PPP3CA: variants seen among roughly 807,000 people sequenced by gnomAD.
PPP3CA encodes the protein CAM-PRP catalytic subunit.
A neutral mutation model predicts 66.5 loss-of-function variants in PPP3CA; 14 were observed. The ratio of observed to expected loss-of-function variants is 0.21; its 90% CI spans 0.14 to 0.33. The LOEUF is 0.33. PPP3CA is among the 10% of genes least tolerant of loss of function. The pLI is 1.00. For synonymous variants in PPP3CA, 232 were observed against 226.2 expected (o/e 1.03, Z -0.23); for missense variants, 317 against 639.5 (o/e 0.50, Z 5.44).
intron 2 of PPP3CA, among the ~76,000 whole-genome samples, chr4:101,170,524 A>G (rs1560638521): frequency 6.6e-6 from 1 of 152,262 alleles, no homozygotes; most frequent in Admixed American, 6.5e-5. Flanking sequence ...GAAAGGAGTT[A>G]AGGGCTGGGA....
chr4:101,303,626 T>C (rs1421722744), intron 1 of PPP3CA, among the ~76,000 whole-genome samples: 2 of 152,230 alleles, frequency 1.3e-5, no homozygotes, highest in Non-Finnish European at 2.9e-5. Flanking sequence ...AATTAACTTA[T>C]ATTCACAATG....
At chr4:101,124,441 T>C (rs1722130890) in intron 2 of PPP3CA, among the ~76,000 whole-genome samples, 1 of 151,842 alleles carries the variant, frequency 6.6e-6, no homozygotes, top group Non-Finnish European at 1.5e-5. Flanking sequence ...CTGGCCAATA[T>C]GGTGAAACTC....
rs1168578364 is a variant in PPP3CA, at chr4:101,124,741, AAG to A, written c.260-15665_260-15664del. 2.0e-4 allele frequency among the ~76,000 whole-genome samples: 19 copies of A among 93,254 alleles called. 1 individual carries two copies. The highest frequency in any genetic ancestry group is 9.7e-4 in the African/African-American group (19 of 19,510). The allele number at this position is 93,254 out of a possible 152,430, so 61.2% of individuals were successfully genotyped here. A position where few individuals can be genotyped will look rare whatever the true frequency, so the allele number is the denominator to read the frequency against. Reference sequence around the variant, plus strand: ...AGAAAGAAAGAGAAAGAAAGAAAGAAAGAAAGAAAGAAAGAAAGAAAGAAAGA... The same window carrying A: ...AGAAAGAAAGAGAAAGAAAGAAAGAAAAAGAAAGAAAGAAAGAAAGAAAGA... On this transcript the variant is annotated intron_variant, in intron 2 of 13. Transcript: ENST00000394854.
intron 1 of PPP3CA, among the ~76,000 whole-genome samples, chr4:101,249,921 T>A (rs1195772333): frequency 3.3e-5 from 5 of 152,296 alleles, no homozygotes; most frequent in African/African-American, 9.6e-5. Flanking sequence ...TTCTAGTGAA[T>A]TTTTCCCAAA....
chr4:101,077,221 A>T (rs914621811), intron 8 of PPP3CA, among the ~76,000 whole-genome samples: 1 of 152,206 alleles, frequency 6.6e-6, no homozygotes, highest in Middle Eastern at 3.2e-3. Context: ...TCTGATCACA[A>T]CTATTATTGG....
chr4:101,063,447 T>G lies in PPP3CA; in HGVS notation c.956-90A>C, dbSNP rs546390897. On this transcript the variant is annotated intron_variant, in intron 8 of 13. Coordinates refer to ENST00000394854, the MANE Select transcript of PPP3CA (RefSeq NM_000944.5). ...AGCTCATCAAGAAAATTCAACCATT[T>G]GACTGAAGTTCCAAAACATCCAGGC... 3.5e-5 allele frequency: 50 copies of G among 1,439,674 alleles called. No homozygotes were observed. The Admixed American group carries it at 8.8e-4, about 25-fold the overall frequency. 89.2% of individuals were successfully genotyped at this position (1,439,674 alleles called of 1,614,324 possible). A position where few individuals can be genotyped will look rare whatever the true frequency, so the allele number is the denominator to read the frequency against.
At chr4:101,255,003 T>C (rs1158971875) in intron 1 of PPP3CA, among the ~76,000 whole-genome samples, 2 of 70,888 alleles carry the variant, frequency 2.8e-5, no homozygotes, top group African/African-American at 1.2e-4. Flanking sequence ...ATCATGACAA[T>C]ACAATAAACA....
At chr4:101,050,382 A>C (rs761005854) in intron 10 of PPP3CA, among the ~76,000 whole-genome samples, 1 of 152,136 alleles carries the variant, frequency 6.6e-6, no homozygotes, top group Non-Finnish European at 1.5e-5. Flanking sequence ...TGAAAGCCAG[A>C]ATAGAACAGA....
intron 1 of PPP3CA, among the ~76,000 whole-genome samples, chr4:101,205,352 G>C (rs1725097805): frequency 1.3e-5 from 2 of 151,882 alleles, no homozygotes; most frequent in Middle Eastern, 6.8e-3. Flanking sequence ...TTAAGCTCTG[G>C]GGTACATGAA....
At chr4:101,105,242 C>G (rs912054096) in intron 3 of PPP3CA, among the ~76,000 whole-genome samples, 1 of 150,838 alleles carries the variant, frequency 6.6e-6, no homozygotes, top group African/African-American at 2.4e-5. Flanking sequence ...TCTCGGCTCA[C>G]TGCAACCTCC....
intron 2 of PPP3CA, among the ~76,000 whole-genome samples, chr4:101,136,873 A>G (rs959412671): frequency 6.6e-6 from 1 of 152,138 alleles, no homozygotes; most frequent in Non-Finnish European, 1.5e-5. Context: ...ACTTGAAGAC[A>G]TTAAATAGCA....
chr4:101,293,165 CA>C (rs1480126234), intron 1 of PPP3CA, among the ~76,000 whole-genome samples: 1 of 152,210 alleles, frequency 6.6e-6, no homozygotes, highest in Non-Finnish European at 1.5e-5. Flanking sequence ...CTGAAGTTCA[CA>C]GCAGGAAAGG....
chr4:101,210,448 A>G (rs769436157), intron 1 of PPP3CA, among the ~76,000 whole-genome samples: 11 of 152,204 alleles, frequency 7.2e-5, no homozygotes, highest in Non-Finnish European at 1.5e-4. Context: ...TGAAGATTAA[A>G]CAAACTAATA....
rs541468350 is a variant in PPP3CA at position 101,081,506 on chromosome 4, C to T, written c.861-880G>A. Among the ~76,000 whole-genome samples, 33 of 152,262 alleles carry T rather than the reference C, an allele frequency of 2.2e-4. No individual in the cohort carries two copies. The East Asian group carries it at 5.8e-3, about 27-fold the overall frequency. On this transcript the variant is annotated intron_variant, in intron 7 of 13. Transcript: ENST00000394854. ...AATACAGGTGACTGTGTCTCTTTTA[C>T]ATAAGGATAAAAATGTATCTCATGA...
intron 2 of PPP3CA, among the ~76,000 whole-genome samples, chr4:101,181,141 A>G (rs1724223682): frequency 6.6e-6 from 1 of 152,094 alleles, no homozygotes; most frequent in African/African-American, 2.4e-5. Flanking sequence ...ATTGGTAAGT[A>G]CTTTTTTCCC....
intron 3 of PPP3CA, among the ~76,000 whole-genome samples, chr4:101,105,320 C>A (rs1483246940): frequency 6.6e-6 from 1 of 151,762 alleles, no homozygotes; most frequent in African/African-American, 2.4e-5. Context: ...GCGCATGCCA[C>A]CATGCCCAGC....
At chr4:101,150,043 G>C (rs1723089195) in intron 2 of PPP3CA, among the ~76,000 whole-genome samples, 1 of 152,072 alleles carries the variant, frequency 6.6e-6, no homozygotes, top group East Asian at 1.9e-4. Context: ...TCCATAGTCT[G>C]TGTTTTTGAC....
At chr4:101,122,283 T>G (rs1161250493) in intron 2 of PPP3CA, among the ~76,000 whole-genome samples, 1 of 152,230 alleles carries the variant, frequency 6.6e-6, no homozygotes, top group Non-Finnish European at 1.5e-5. Flanking sequence ...TTCAAGTATG[T>G]TCTGTGGAGT....
intron 1 of PPP3CA, among the ~76,000 whole-genome samples, chr4:101,234,856 G>A (rs990482456): frequency 1.5e-4 from 22 of 151,650 alleles, no homozygotes; most frequent in African/African-American, 5.3e-4. Context: ...AACATTCTCT[G>A]CTGGTTCATT....
Sources: allele counts gnomAD v4.1 joint callset (sites outside exome capture counted in the v4.1 genomes callset), GRCh38; gene constraint gnomAD v4.1.1; transcripts MANE v1.5; gene names NCBI Gene and HGNC (gene_info 2026-07-23, HGNC 2026-07-21).